Variants in COL13A1 observed in about 807,000 individuals in gnomAD.
COL13A1 encodes collagen type XIII alpha 1 chain, also known as collagen alpha-1(XIII) chain.
In COL13A1, 89 loss-of-function variants were observed where a neutral mutation model predicts 130.9. That is an observed-to-expected ratio of 0.68 (90% CI 0.57 to 0.81). The LOEUF is 0.81. COL13A1 is among the 30% of genes least tolerant of loss of function. COL13A1 has a pLI of 0.00. For missense variants in COL13A1, 879 were observed against 934.6 expected (o/e 0.94, Z 0.78); for synonymous variants, 402 against 341.6 (o/e 1.18, Z -1.95).
intron 8 of COL13A1, among the ~76,000 whole-genome samples, chr10:69,887,808 A>G (rs116233239): frequency 0.011 from 1,621 of 152,296 alleles, 23 homozygotes; most frequent in African/African-American, 0.037. Context: ...CCTGTGGGAG[A>G]ACACCCTGCA....
intron 2 of COL13A1, among the ~76,000 whole-genome samples, chr10:69,832,086 G>A (rs1848955429): frequency 6.6e-6 from 1 of 152,182 alleles, no homozygotes; most frequent in African/African-American, 2.4e-5. Flanking sequence ...AGCCATGTGA[G>A]GTCCCGAAGG....
intron 10 of COL13A1, among the ~76,000 whole-genome samples, chr10:69,892,644 C>T (rs12220381): frequency 0.22 from 33,967 of 152,012 alleles, 3,934 homozygotes; most frequent in Admixed American, 0.29. Flanking sequence ...TGGCGGTTAG[C>T]ACAGGCCTGC....
chr10:69,882,949 G>A (rs765512502), intron 7 of COL13A1, among the ~76,000 whole-genome samples: 9 of 152,208 alleles, frequency 5.9e-5, no homozygotes, highest in Non-Finnish European at 8.8e-5. Flanking sequence ...GGGTCCATTT[G>A]TCATTAAGGG....
rs571985385 is a variant in COL13A1, at chr10:69,890,061, G to A, written c.603+621G>A. On this transcript the variant is annotated intron_variant, in intron 10 of 40. Transcript: ENST00000645393. ...CTTCTCTTCCATGTCACAGCATCCC[G>A]CGGCCACCACCCAGATGGATCTGCC... 1.5e-4 allele frequency among the ~76,000 whole-genome samples: 23 copies of A among 152,272 alleles called. No individual in the cohort carries two copies. The South Asian group carries it at 3.5e-3, about 23-fold the overall frequency.
chr10:69,829,115 A>T, intron 2 of COL13A1: 1 of 462,608 alleles, frequency 2.2e-6, no homozygotes, highest in Non-Finnish European at 2.8e-6. Flanking sequence ...CCAGCATCTA[A>T]GCCATGACCT....
At chr10:69,806,462 C>T (rs1193646133) in intron 1 of COL13A1, among the ~76,000 whole-genome samples, 3 of 152,118 alleles carry the variant, frequency 2.0e-5, no homozygotes, top group Non-Finnish European at 4.4e-5. Flanking sequence ...TGTGCAGAGC[C>T]GGGATTGGAG....
chr10:69,932,926 C>T lies in COL13A1; in HGVS notation c.1728+322C>T, dbSNP rs374398710. ...CTGAGGCAGGCGGATCACCTGAGGT[C>T]GGGAGTTTGAGACCAGCCTGGCCAA... On this transcript the variant is annotated intron_variant, in intron 31 of 40. Coordinates refer to ENST00000645393, the MANE Select transcript of COL13A1 (RefSeq NM_001368882.1). Among the ~76,000 whole-genome samples the T allele has an allele frequency of 3.3e-3, 503 of 152,028 alleles. 3 individuals carry two copies. The highest frequency in any genetic ancestry group is 0.011 in the African/African-American group (475 of 41,468).
At chr10:69,951,265 AAAG>A (rs2069519156) in intron 38 of COL13A1, among the ~76,000 whole-genome samples, 1 of 152,230 alleles carries the variant, frequency 6.6e-6, no homozygotes, top group South Asian at 2.1e-4. Flanking sequence ...TACTGGCTAA[AAAG>A]AAATAATGAC....
At chr10:69,822,556 C>A in intron 2 of COL13A1, 118 bp downstream of exon 2, 3 of 737,220 alleles carry the variant, frequency 4.1e-6, no homozygotes, top group East Asian at 3.3e-5. Flanking sequence ...ATTTGAAAGA[C>A]AGGAGTGACA....
intron 2 of COL13A1, among the ~76,000 whole-genome samples, chr10:69,839,836 C>T (rs928072539): frequency 4.6e-5 from 7 of 152,166 alleles, no homozygotes; most frequent in Admixed American, 1.3e-4. Flanking sequence ...AGTCCTGTGG[C>T]GCCTCGTGTG....
At position 69,922,600 on chromosome 10, in the gene COL13A1, G is replaced by T; in HGVS notation, c.1144-108G>T. The stretch of plus-strand genomic sequence containing the variant: ...ATCAGATAAATCTGGGATTCTGAAG[G>T]CCCCTGGTCCCCAGACATCCTGGGG... On this transcript the variant is annotated intron_variant, in intron 22 of 40. Transcript: ENST00000645393. The T allele has an allele frequency of 6.4e-6, 4 of 623,424 alleles. No homozygotes were observed. The Middle Eastern group carries it at 1.3e-3, about 199-fold the overall frequency. 38.6% of individuals were successfully genotyped at this position (623,424 alleles called of 1,614,324 possible).
At chr10:69,852,404 A>G (rs541127514) in intron 2 of COL13A1, among the ~76,000 whole-genome samples, 2 of 152,138 alleles carry the variant, frequency 1.3e-5, no homozygotes, top group African/African-American at 4.8e-5. Context: ...AATTCCTTCA[A>G]CTCTCCTGTG....
chr10:69,922,597 A>G (rs2064826497), intron 22 of COL13A1, 111 bp from the exon 23 acceptor site: 2 of 614,112 alleles, frequency 3.3e-6, no homozygotes, highest in Admixed American at 3.7e-5. Context: ...TGGGATTCTG[A>G]AGGCCCCTGG....
chr10:69,908,425 G>A (rs1240264938), intron 17 of COL13A1, among the ~76,000 whole-genome samples: 4 of 152,200 alleles, frequency 2.6e-5, no homozygotes, highest in Non-Finnish European at 5.9e-5. Flanking sequence ...GGTGCAACGC[G>A]GGATCAGTTT....
chr10:69,817,755 T>C (rs1844973516), intron 1 of COL13A1, among the ~76,000 whole-genome samples: 1 of 151,726 alleles, frequency 6.6e-6, no homozygotes, highest in Admixed American at 6.6e-5. Context: ...AAGTGACACA[T>C]GGTAGTGATG....
At chr10:69,822,857 A>G (rs1481709271) in intron 2 of COL13A1, among the ~76,000 whole-genome samples, 4 of 152,194 alleles carry the variant, frequency 2.6e-5, no homozygotes, top group African/African-American at 9.7e-5. Context: ...TGAATGAATG[A>G]CCCTATAATT....
At chr10:69,894,989 T>C (rs1387861857) in intron 12 of COL13A1, among the ~76,000 whole-genome samples, 1 of 152,112 alleles carries the variant, frequency 6.6e-6, no homozygotes, top group African/African-American at 2.4e-5. Flanking sequence ...TGTCACTCCA[T>C]GGTGTTCCCT....
At chr10:69,947,486 C>T in intron 38 of COL13A1, 144 bp downstream of exon 38, 1 of 761,670 alleles carries the variant, frequency 1.3e-6, no homozygotes, top group Non-Finnish European at 2.1e-6. Flanking sequence ...CAAGGAGGGC[C>T]TTAACCTGTG....
At chr10:69,956,750 C>A in intron 39 of COL13A1, 1 of 428,300 alleles carries the variant, frequency 2.3e-6, no homozygotes, top group Non-Finnish European at 4.3e-6. Flanking sequence ...CTTGCTGGTC[C>A]CACGGGCTAG....
Sources: allele counts gnomAD v4.1 joint callset (sites outside exome capture counted in the v4.1 genomes callset), GRCh38; gene constraint gnomAD v4.1.1; transcripts MANE v1.5; gene names NCBI Gene and HGNC (gene_info 2026-07-23, HGNC 2026-07-21).